DNM3: variants seen among roughly 807,000 people sequenced by gnomAD.
DNM3 encodes the protein dynamin 3, also known as dynamin-3.
A neutral mutation model predicts 101.6 loss-of-function variants in DNM3; 47 were observed. The observed-to-expected ratio is 0.46, with a 90% confidence interval of 0.37 to 0.59. The LOEUF (loss-of-function observed/expected upper bound fraction) is 0.59. Among genes scored for constraint, DNM3 ranks in the 20% least tolerant of loss-of-function variants. DNM3 has a pLI of 0.00. For synonymous variants in DNM3, 385 were observed against 387.9 expected (o/e 0.99, Z 0.09); for missense variants, 849 against 1,085.7 (o/e 0.78, Z 3.06).
Position 171,962,568 on chromosome 1 carries a change from G to A in DNM3, c.236-25088G>A, listed in dbSNP as rs79734876. Among the ~76,000 whole-genome samples the A allele has an allele frequency of 4.6e-5, 7 of 152,088 alleles. No homozygotes were observed. The East Asian group carries it at 1.3e-3, about 29-fold the overall frequency. ...AAGATGCTAGCTGATTCGGTTCCTG[G>A]TGAGGCCCCTCTTTCTGGCATACAG... is the stretch of plus-strand genomic sequence containing the variant. On this transcript the variant is annotated intron_variant, in intron 2 of 20. Transcript: ENST00000627582.
chr1:172,114,422 T>G (rs893433365), intron 13 of DNM3, among the ~76,000 whole-genome samples: 1 of 152,206 alleles, frequency 6.6e-6, no homozygotes, highest in Non-Finnish European at 1.5e-5. Context: ...ATGTAGGTGA[T>G]CACTTCTACC....
At chr1:172,316,924 A>G (rs1372243584) in intron 16 of DNM3, among the ~76,000 whole-genome samples, 2 of 152,228 alleles carry the variant, frequency 1.3e-5, no homozygotes, top group African/African-American at 4.8e-5. Flanking sequence ...ACCCCAAATC[A>G]ATAGAATATA....
intron 13 of DNM3, among the ~76,000 whole-genome samples, chr1:172,121,204 A>G (rs2056296390): frequency 6.6e-6 from 1 of 152,174 alleles, no homozygotes; most frequent in Admixed American, 6.5e-5. Context: ...GGAAAGATAC[A>G]CAGGAAAAAA....
At chr1:171,904,933 C>A (rs1342190591) in intron 1 of DNM3, among the ~76,000 whole-genome samples, 1 of 152,120 alleles carries the variant, frequency 6.6e-6, no homozygotes, top group Non-Finnish European at 1.5e-5. Flanking sequence ...TTGCGCTGGA[C>A]AAGTGACTAC....
At chr1:171,851,809 A>G (rs2033008394) in intron 1 of DNM3, among the ~76,000 whole-genome samples, 1 of 152,244 alleles carries the variant, frequency 6.6e-6, no homozygotes, top group Non-Finnish European at 1.5e-5. Context: ...GAAGTATCAG[A>G]CTACATCCAA....
At chr1:171,885,857 G>A (rs1571416432) in intron 1 of DNM3, among the ~76,000 whole-genome samples, 2 of 152,306 alleles carry the variant, frequency 1.3e-5, no homozygotes, top group Admixed American at 1.3e-4. Context: ...TTTGCACAGT[G>A]AGGGTTAGGG....
In DNM3 at chr1:172,411,126, A is replaced by G; in HGVS notation, c.*3285A>G. On this transcript the variant is annotated 3_prime_UTR_variant, in exon 21 of 21. Transcript: ENST00000627582. The stretch of plus-strand genomic sequence containing the variant: ...TGTATATGTATGGTTGTAAATATCT[A>G]TGTATACATGTACTTAGTATGTGTG... 3 of 984,332 alleles carry G rather than the reference A, an allele frequency of 3.0e-6. No individual in the cohort carries two copies. The highest frequency in any genetic ancestry group is 3.6e-6 in the Non-Finnish European group (3 of 828,942). 61.0% of individuals were successfully genotyped at this position (984,332 alleles called of 1,614,324 possible). A position where few individuals can be genotyped will look rare whatever the true frequency, so the allele number is the denominator to read the frequency against.
intron 17 of DNM3, among the ~76,000 whole-genome samples, chr1:172,377,243 A>G (rs2068648088): frequency 6.6e-6 from 1 of 151,752 alleles, no homozygotes; most frequent in African/African-American, 2.4e-5. Flanking sequence ...ATATTCTTAT[A>G]TGGGTTGACA....
At chr1:172,232,044 A>C (rs1482481740) in intron 14 of DNM3, among the ~76,000 whole-genome samples, 1 of 152,168 alleles carries the variant, frequency 6.6e-6, no homozygotes, top group Non-Finnish European at 1.5e-5. Flanking sequence ...TAACAATATT[A>C]ACCTTAAATG....
intron 13 of DNM3, among the ~76,000 whole-genome samples, chr1:172,110,570 C>T (rs1357487087): frequency 6.6e-6 from 1 of 152,164 alleles, no homozygotes. Flanking sequence ...AATAATGACT[C>T]AAACTGTGAC....
chr1:172,191,821 T>A (rs944134309), intron 14 of DNM3, among the ~76,000 whole-genome samples: 12 of 152,214 alleles, frequency 7.9e-5, no homozygotes, highest in Non-Finnish European at 1.6e-4. Flanking sequence ...TCTGTTTGTC[T>A]GTTATTGGTG....
chr1:172,210,397 T>A (rs1482516185), intron 14 of DNM3, among the ~76,000 whole-genome samples: 1 of 150,054 alleles, frequency 6.7e-6, no homozygotes, highest in Admixed American at 6.7e-5. Flanking sequence ...AAAATGACAT[T>A]TGCCTCCCTA....
chr1:172,230,549 AAAAT>A (rs2061294921), intron 14 of DNM3, among the ~76,000 whole-genome samples: 1 of 152,228 alleles, frequency 6.6e-6, no homozygotes, highest in South Asian at 2.1e-4. Flanking sequence ...AAAATGAGAA[AAAAT>A]AAATATAGTA....
chr1:172,181,214 G>A (rs1202752928), intron 14 of DNM3, among the ~76,000 whole-genome samples: 1 of 152,012 alleles, frequency 6.6e-6, no homozygotes, highest in East Asian at 1.9e-4. Flanking sequence ...TTTGGCAAAG[G>A]TGATTTTAAT....
chr1:171,884,211 G>T (rs141368461), intron 1 of DNM3, among the ~76,000 whole-genome samples: 130 of 152,302 alleles, frequency 8.5e-4, no homozygotes, highest in African/African-American at 3.0e-3. Flanking sequence ...TGGTTCTGGT[G>T]TTCTCTTTGG....
At chr1:172,294,716 C>G (rs1470845696) in intron 15 of DNM3, among the ~76,000 whole-genome samples, 4 of 151,960 alleles carry the variant, frequency 2.6e-5, no homozygotes, top group Admixed American at 2.0e-4. Context: ...AGTTCGAGAC[C>G]AGCCTAGACA....
intron 15 of DNM3, among the ~76,000 whole-genome samples, chr1:172,278,051 A>G (rs2063352602): frequency 6.6e-6 from 1 of 152,068 alleles, no homozygotes; most frequent in African/African-American, 2.4e-5. Context: ...GCCTTTCCTG[A>G]TGTTTTCTGT....
At chr1:172,087,011 C>G (rs1022670947) in intron 12 of DNM3, among the ~76,000 whole-genome samples, 1 of 152,086 alleles carries the variant, frequency 6.6e-6, no homozygotes, top group African/African-American at 2.4e-5. Context: ...AGTCTGTGTT[C>G]CATTCTCTTT....
At chr1:172,371,705 T>A (rs1429449919) in intron 17 of DNM3, among the ~76,000 whole-genome samples, 2 of 151,964 alleles carry the variant, frequency 1.3e-5, no homozygotes, top group Admixed American at 1.3e-4. Flanking sequence ...AGCTTATTAG[T>A]GACAGAGCCA....
Sources: gnomAD v4.1 joint callset for allele counts (sites outside exome capture counted in the v4.1 genomes callset) on GRCh38, gnomAD v4.1.1 for gene constraint, MANE v1.5 for transcripts, NCBI Gene and HGNC (gene_info 2026-07-23, HGNC 2026-07-21) for gene names.